The following MPP7 variants were observed in gnomAD, a reference collection of about 807,000 sequenced individuals.
The protein encoded by MPP7 is MAGUK p55 subfamily member 7.
A neutral mutation model predicts 76.5 loss-of-function variants in MPP7; 60 were observed. The ratio of observed to expected loss-of-function variants is 0.78; its 90% confidence interval spans 0.64 to 0.97. The LOEUF (loss-of-function observed/expected upper bound fraction) is 0.97. MPP7 is among the 50% of genes least tolerant of loss of function. The pLI is 0.00. For synonymous variants in MPP7, 237 were observed against 244.5 expected (o/e 0.97, Z 0.29); for missense variants, 641 against 694.0 (o/e 0.92, Z 0.86).
intron 5 of MPP7, among the ~76,000 whole-genome samples, chr10:28,134,526 TG>T (rs1275409689): frequency 2.0e-5 from 3 of 152,230 alleles, no homozygotes; most frequent in African/African-American, 7.2e-5. Flanking sequence ...GCTCAATAAA[TG>T]TTTTTTTCCT....
chr10:28,124,752 G>A (rs896120091), intron 7 of MPP7, among the ~76,000 whole-genome samples: 5 of 151,968 alleles, frequency 3.3e-5, no homozygotes, highest in African/African-American at 1.2e-4. Context: ...AAAAGTGCTG[G>A]GATTACAGGC....
At chr10:28,309,508 A>C (rs1564769742) in intron 2 of MPP7, among the ~76,000 whole-genome samples, 2 of 152,076 alleles carry the variant, frequency 1.3e-5, no homozygotes, top group Non-Finnish European at 2.9e-5. Flanking sequence ...TCCTACAAGA[A>C]GGCTACTTTT....
At chr10:28,096,247 A>G (rs924974701) in intron 11 of MPP7, among the ~76,000 whole-genome samples, 13 of 152,184 alleles carry the variant, frequency 8.5e-5, no homozygotes, top group African/African-American at 2.7e-4. Context: ...TGCTTCTCGG[A>G]TTGATTAATA....
chr10:28,321,649 A>C (rs562962215), intron 2 of MPP7, among the ~76,000 whole-genome samples: 9 of 152,080 alleles, frequency 5.9e-5, no homozygotes, highest in Non-Finnish European at 1.3e-4. Flanking sequence ...CAGTGGTGCG[A>C]TCTCAGCTCA....
chr10:28,189,772 C>T (rs950172736), intron 3 of MPP7, among the ~76,000 whole-genome samples: 2 of 151,866 alleles, frequency 1.3e-5, no homozygotes, highest in African/African-American at 4.8e-5. Context: ...TAGAAACTAA[C>T]AAGTGCAGTG....
At chr10:28,304,882 A>G (rs567889619), upstream of MPP7, among the ~76,000 whole-genome samples, 1 of 152,280 alleles carries the variant, frequency 6.6e-6, no homozygotes, top group East Asian at 1.9e-4. Context: ...TAGATACTGC[A>G]ATGAACGAGG....
At chr10:28,254,061 G>C (rs943152656) in intron 1 of MPP7, among the ~76,000 whole-genome samples, 1 of 148,732 alleles carries the variant, frequency 6.7e-6, no homozygotes, top group African/African-American at 2.5e-5. Flanking sequence ...CATTCTTATG[G>C]GAATTACATT....
chr10:28,183,997 T>C (rs141364604), intron 3 of MPP7, among the ~76,000 whole-genome samples: 7 of 152,226 alleles, frequency 4.6e-5, no homozygotes, highest in African/African-American at 1.7e-4. Context: ...CTATCAATTC[T>C]TTTGATCCTT....
Position 28,120,632 on chromosome 10 carries a change from G to C in MPP7, c.652C>G (p.Pro218Ala), listed in dbSNP as rs764678292. The C allele has an allele frequency of 3.7e-6, 6 of 1,613,706 alleles. No individual in the cohort carries two copies. The South Asian group carries it at 4.4e-5, about 12-fold the overall frequency. ...SQGAITFKII[P>A]GSKEETPSKE... ...GATGGTGTCTCCTCTTTGCTGCCGG[G>C]TATAATCTTAAATGTAATTGCTCCC... The change falls in exon 9 of 17, where the codon CCC becomes GCC. Residue 218 changes from proline (P) to alanine (A), a missense_variant. By Grantham distance (27) the Pro-to-Ala change is conservative (BLOSUM62 -1). Coordinates refer to ENST00000683449, the MANE Select transcript of MPP7 (RefSeq NM_001318170.2).
At chr10:28,332,953 G>A (rs901639590) in intron 1 of MPP7, among the ~76,000 whole-genome samples, 6 of 151,938 alleles carry the variant, frequency 3.9e-5, no homozygotes, top group African/African-American at 7.3e-5. Context: ...ATGAGCCACC[G>A]TGCCTGGCCC....
rs751986551 is a variant in MPP7, at chr10:28,051,160, CAAGT to C, written c.*2901_*2904del. On this transcript the variant is annotated 3_prime_UTR_variant, in exon 17 of 17. Transcript: ENST00000683449. ...AATATCCAAGTGCAAAAACAATTTT[CAAGT>C]AAGTACACACACTGTTTGAAGGTAC... The C allele has an allele frequency of 9.9e-5, 15 of 152,218 alleles. No homozygotes were observed. The highest frequency in any genetic ancestry group is 1.8e-4 in the Non-Finnish European group (12 of 67,996). The allele number at this position is 152,218 out of a possible 1,614,324, so 9.4% of individuals were successfully genotyped here. A position where few individuals can be genotyped will look rare whatever the true frequency, so the allele number is the denominator to read the frequency against.
intron 3 of MPP7, among the ~76,000 whole-genome samples, chr10:28,197,987 T>A (rs1303970491): frequency 6.6e-6 from 1 of 152,234 alleles, no homozygotes; most frequent in Admixed American, 6.5e-5. Flanking sequence ...ATTACTTGTA[T>A]AAGGCTGAAA....
intron 3 of MPP7, among the ~76,000 whole-genome samples, chr10:28,161,269 C>T (rs1258454387): frequency 6.6e-6 from 1 of 152,114 alleles, no homozygotes; most frequent in East Asian, 1.9e-4. Flanking sequence ...GCTTACACTG[C>T]TACCATCACA....
At chr10:28,258,819 G>A (rs925874343) in intron 1 of MPP7, among the ~76,000 whole-genome samples, 1 of 152,192 alleles carries the variant, frequency 6.6e-6, no homozygotes, top group Non-Finnish European at 1.5e-5. Context: ...TAGAATCAGA[G>A]ATATCACAGT....
At chr10:28,081,250 A>G (rs749539696) in intron 12 of MPP7, among the ~76,000 whole-genome samples, 1 of 152,202 alleles carries the variant, frequency 6.6e-6, no homozygotes, top group Non-Finnish European at 1.5e-5. Context: ...TTAAACGTGA[A>G]AAGTGTTTTA....
At chr10:28,320,832 G>GTTTTTTTT (rs5784052) in intron 2 of MPP7, among the ~76,000 whole-genome samples, 2 of 148,636 alleles carry the variant, frequency 1.3e-5, no homozygotes, top group African/African-American at 2.5e-5. Context: ...TTTTTTGTTT[G>GTTTTTTTT]TTTTTTTTTT....
chr10:28,095,857 C>T (rs1056323235), intron 11 of MPP7, among the ~76,000 whole-genome samples: 3 of 152,122 alleles, frequency 2.0e-5, no homozygotes, highest in African/African-American at 4.8e-5. Flanking sequence ...TTATAATTGG[C>T]TCAACATTTT....
chr10:28,117,108 A>C (rs1052098189), intron 11 of MPP7, among the ~76,000 whole-genome samples: 11 of 152,044 alleles, frequency 7.2e-5, no homozygotes, highest in African/African-American at 2.7e-4. Context: ...CCCCATGCAA[A>C]CTCAAGTTAT....
intron 1 of MPP7, among the ~76,000 whole-genome samples, chr10:28,288,676 G>A (rs2133119791): frequency 6.6e-6 from 1 of 152,328 alleles, no homozygotes; most frequent in African/African-American, 2.4e-5. Flanking sequence ...AGAGCGTGAA[G>A]CGGTACTGAA....
Sources: gnomAD v4.1 joint callset for allele counts (sites outside exome capture counted in the v4.1 genomes callset) on GRCh38, gnomAD v4.1.1 for gene constraint, MANE v1.5 for transcripts, NCBI Gene and HGNC (gene_info 2026-07-23, HGNC 2026-07-21) for gene names.